DCAF8L2: variants seen among roughly 807,000 people sequenced by gnomAD.
DCAF8L2 encodes DDB1- and CUL4-associated factor 8-like protein 2.
For missense variants in DCAF8L2, 430 were observed against 490.7 expected, an observed-to-expected ratio of 0.88 and a Z score of 1.17; for synonymous variants, 200 against 190.9, an observed-to-expected ratio of 1.05 and a Z score of -0.39.
At chrX:27,606,973 C>G (rs1227368819) in intron 1 of DCAF8L2, among the ~76,000 whole-genome samples, 1 of 110,830 alleles carries the variant, frequency 9.0e-6, no homozygotes, top group Admixed American at 9.7e-5. Flanking sequence ...TTTTCTGATT[C>G]CCCGAACTAT....
chrX:27,539,265 T>C, the DCAF8L2 span, among the ~76,000 whole-genome samples: 3 of 110,905 alleles, frequency 2.7e-5, no homozygotes, highest in South Asian at 7.5e-4. Context: ...TTAAGAAATT[T>C]ATGGGGTTTT....
intron 1 of DCAF8L2, among the ~76,000 whole-genome samples, chrX:27,624,746 C>G (rs1927933012): frequency 9.0e-6 from 1 of 111,408 alleles, no homozygotes; most frequent in Non-Finnish European, 1.9e-5. Flanking sequence ...CAAAAACAAG[C>G]AACGGGGAAA....
At chrX:27,727,608 G>T (rs924507243) in intron 4 of DCAF8L2, among the ~76,000 whole-genome samples, 5 of 110,809 alleles carry the variant, frequency 4.5e-5, no homozygotes, top group African/African-American at 1.6e-4. Context: ...TATTTTATCT[G>T]TACTTGTATT....
chrX:27,720,475 G>A lies in DCAF8L2; in HGVS notation c.-59+4304G>A, dbSNP rs556876374. Among the ~76,000 whole-genome samples the A allele has an allele frequency of 3.6e-4, 40 of 110,672 alleles. No homozygotes were observed. The Middle Eastern group carries it at 0.023, about 65-fold the overall frequency. On this transcript the variant is annotated intron_variant, in intron 4 of 4. Coordinates refer to ENST00000451261, the MANE Select transcript of DCAF8L2 (RefSeq NM_001353450.2). ...TGCAAGCTCTGCCTCCTGGGTTCAC[G>A]CCTTTCTCCTGCCTCAGCCTCCCGA...
intron 1 of DCAF8L2, among the ~76,000 whole-genome samples, chrX:27,593,839 G>T: frequency 9.0e-6 from 1 of 111,489 alleles, no homozygotes; most frequent in East Asian, 2.8e-4. Flanking sequence ...CAGAACCCTG[G>T]GCTCCATCAC....
intron 1 of DCAF8L2, among the ~76,000 whole-genome samples, chrX:27,606,382 T>TATATATATATATATATATATATA (rs1358332870): frequency 1.3e-3 from 103 of 80,984 alleles, no homozygotes; most frequent in African/African-American, 2.7e-3. Context: ...TATATATATA[T>TATATATATATATATATATATATA]TCTTTTGAGA....
At chrX:27,471,982 T>C in the DCAF8L2 span, among the ~76,000 whole-genome samples, 1 of 112,024 alleles carries the variant, frequency 8.9e-6, no homozygotes, top group Non-Finnish European at 1.9e-5. Flanking sequence ...CCTGTTTTTT[T>C]TCACGTTCTT....
intron 2 of DCAF8L2, among the ~76,000 whole-genome samples, chrX:27,658,891 T>TTAATTCTA (rs1929450916): frequency 1.1e-5 from 1 of 93,751 alleles, no homozygotes; most frequent in South Asian, 4.2e-4. Context: ...ATGAAAACAT[T>TTAATTCTA]TAATTCTAAC....
chrX:27,489,389 G>A, the DCAF8L2 span, among the ~76,000 whole-genome samples: 1 of 112,456 alleles, frequency 8.9e-6, no homozygotes, highest in Non-Finnish European at 1.9e-5. Flanking sequence ...GAGCCACCAC[G>A]CCCGACCTCA....
At chrX:27,566,367 C>T in the DCAF8L2 span, among the ~76,000 whole-genome samples, 4 of 111,405 alleles carry the variant, frequency 3.6e-5, no homozygotes, top group South Asian at 3.8e-4. Context: ...TCCTTTCTCA[C>T]GGGGCTTTTC....
chrX:27,615,104 ATG>A (rs61051652), intron 1 of DCAF8L2, among the ~76,000 whole-genome samples: 17,768 of 110,497 alleles, frequency 0.16, 1,182 homozygotes, highest in East Asian at 0.4. Context: ...GTGGGGAAAG[ATG>A]TGTGAGAGAA....
chrX:27,517,834 C>A, the DCAF8L2 span: 1 of 1,070,212 alleles, frequency 9.3e-7, no homozygotes. Flanking sequence ...GAGTCTTGTA[C>A]TTATCACGGC....
chrX:27,582,091 C>T, the DCAF8L2 span, among the ~76,000 whole-genome samples: 1 of 111,092 alleles, frequency 9.0e-6, no homozygotes, highest in South Asian at 3.8e-4. Flanking sequence ...TTATTGAGGT[C>T]ACTATGTTTC....
intron 4 of DCAF8L2, among the ~76,000 whole-genome samples, chrX:27,721,998 T>C (rs1048326098): frequency 9.0e-6 from 1 of 111,617 alleles, no homozygotes; most frequent in African/African-American, 3.2e-5. Flanking sequence ...CATGAGTACA[T>C]AGAAAGCTGA....
chrX:27,482,934 A>G, the DCAF8L2 span, among the ~76,000 whole-genome samples: 1 of 111,247 alleles, frequency 9.0e-6, no homozygotes, highest in African/African-American at 3.3e-5. Flanking sequence ...GTAATTCAAA[A>G]TTGTATTGTT....
chrX:27,603,890 AT>A (rs1487198735), intron 1 of DCAF8L2, among the ~76,000 whole-genome samples: 1 of 111,323 alleles, frequency 9.0e-6, no homozygotes, highest in Admixed American at 9.6e-5. Context: ...TATCTTGAAA[AT>A]TTTTTCACAC....
chrX:27,604,292 G>C (rs1396765945), intron 1 of DCAF8L2, among the ~76,000 whole-genome samples: 1 of 110,793 alleles, frequency 9.0e-6, no homozygotes. Context: ...TACTACATTT[G>C]GAGATGAAAT....
At chrX:27,476,760 A>T in the DCAF8L2 span, among the ~76,000 whole-genome samples, 24 of 111,998 alleles carry the variant, frequency 2.1e-4, no homozygotes, top group Middle Eastern at 0.023. Flanking sequence ...GCCCAATAAG[A>T]AAGAAACACT....
chrX:27,606,130 A>C (rs976954621), intron 1 of DCAF8L2, among the ~76,000 whole-genome samples: 2 of 102,841 alleles, frequency 1.9e-5, no homozygotes, highest in Middle Eastern at 5.1e-3. Flanking sequence ...TTAAAAACTT[A>C]ATGAAGTCAT....
Sources: allele counts gnomAD v4.1 joint callset (sites outside exome capture counted in the v4.1 genomes callset), GRCh38; gene constraint gnomAD v4.1.1; transcripts MANE v1.5; gene names NCBI Gene and HGNC (gene_info 2026-07-23, HGNC 2026-07-21).